Variants in IL1RN observed in about 807,000 individuals in gnomAD.
The protein encoded by IL1RN is interleukin-1 receptor antagonist protein.
IL1RN carries 10 observed loss-of-function variants against 13.7 expected under a neutral mutation model. The observed-to-expected ratio is 0.73, with a 90% CI of 0.45 to 1.24. The LOEUF (loss-of-function observed/expected upper bound fraction) is 1.24. IL1RN is among the 50% of genes most tolerant of loss of function. The pLI is 0.00. For synonymous variants in IL1RN, 102 were observed against 82.7 expected (o/e 1.23, Z -1.27); for missense variants, 213 against 222.1 (o/e 0.96, Z 0.26).
upstream of IL1RN, among the ~76,000 whole-genome samples, chr2:113,104,946 C>G (rs1463238450): frequency 3.3e-5 from 5 of 152,202 alleles, no homozygotes; most frequent in Non-Finnish European, 7.3e-5. Context: ...TTTTGAGAAA[C>G]TCCCAGTCCC....
chr2:113,100,239 T>G, the IL1RN span, among the ~76,000 whole-genome samples: 2 of 147,178 alleles, frequency 1.4e-5, no homozygotes, highest in African/African-American at 2.5e-5. Context: ...GACAGGAGAA[T>G]GGCATGAACC....
intron 1 of IL1RN, among the ~76,000 whole-genome samples, chr2:113,128,321 C>A (rs1316377202): frequency 6.6e-6 from 1 of 152,148 alleles, no homozygotes; most frequent in Non-Finnish European, 1.5e-5. Flanking sequence ...CTTTGTGAGA[C>A]CATCACTATT....
At chr2:113,130,901 C>T in intron 2 of IL1RN, 144 bp from the exon 3 acceptor site, 1 of 688,694 alleles carries the variant, frequency 1.5e-6, no homozygotes, top group South Asian at 1.5e-5. Flanking sequence ...TACCTGCAGA[C>T]CAGGAAGATG....
chr2:113,127,822 GC>G, intron 1 of IL1RN, 82 bp downstream of exon 1: 2 of 1,398,152 alleles, frequency 1.4e-6, no homozygotes, highest in Non-Finnish European at 2.0e-6. Flanking sequence ...GGGCTGCCAG[GC>G]CCCAGAGGGC....
chr2:113,105,499 C>T (rs1277218217), upstream of IL1RN, among the ~76,000 whole-genome samples: 12 of 152,166 alleles, frequency 7.9e-5, no homozygotes, highest in East Asian at 1.9e-4. Context: ...CACAGTTTGC[C>T]ACTCAAACAA....
chr2:113,129,946 G>A, intron 2 of IL1RN: 1 of 440,584 alleles, frequency 2.3e-6, no homozygotes, highest in South Asian at 2.2e-5. Flanking sequence ...AGAAGGCAAG[G>A]TTGACCATTC....
upstream of IL1RN, among the ~76,000 whole-genome samples, chr2:113,124,396 C>A (rs1037647243): frequency 6.6e-6 from 1 of 151,848 alleles, no homozygotes; most frequent in Non-Finnish European, 1.5e-5. Context: ...AGAGAGCTTC[C>A]CTTGTCCCCT....
chr2:113,101,277 A>T, the IL1RN span, among the ~76,000 whole-genome samples: 1 of 152,138 alleles, frequency 6.6e-6, no homozygotes. Context: ...GGGTTAGGGT[A>T]GCGAGGGGGT....
In IL1RN at chr2:113,129,436, G is replaced by T. The variant is rs375729596; in HGVS notation, c.117-140G>T. 5.6e-6 allele frequency: 4 copies of T among 719,204 alleles called. No homozygotes were observed. The East Asian group carries it at 7.6e-5, about 14-fold the overall frequency. 44.6% of individuals were successfully genotyped at this position (719,204 alleles called of 1,614,324 possible). On this transcript the variant is annotated intron_variant, in intron 1 of 3. Transcript: ENST00000409930. ...AGCCTCAGTCTTCTCATCCATGCAT[G>T]CCGTGGGTATACTAAAATACTATAC...
upstream of IL1RN, among the ~76,000 whole-genome samples, chr2:113,122,880 C>T (rs1686823866): frequency 6.6e-6 from 1 of 152,168 alleles, no homozygotes; most frequent in Non-Finnish European, 1.5e-5. Context: ...AATCCCAGCA[C>T]TTTGGGAGGC....
At position 113,133,323 on chromosome 2, in the gene IL1RN, G is replaced by A. The variant is rs1449869680; in HGVS notation, c.*452G>A. Reference sequence around the variant, plus strand: ...CCATGAGGGAGGTTTTTAAGGGTTTGTGGAAAATGAAAATTAGGATTTCAT... The same window carrying A: ...CCATGAGGGAGGTTTTTAAGGGTTTATGGAAAATGAAAATTAGGATTTCAT... On this transcript the variant is annotated 3_prime_UTR_variant, in exon 4 of 4. Coordinates refer to ENST00000409930, the MANE Select transcript of IL1RN (RefSeq NM_173842.3). The A allele has an allele frequency of 5.5e-6, 1 of 180,608 alleles. No homozygotes were observed. The highest frequency in any genetic ancestry group is 1.2e-5 in the Non-Finnish European group (1 of 84,168). 11.2% of individuals were successfully genotyped at this position (180,608 alleles called of 1,614,324 possible). A position where few individuals can be genotyped will look rare whatever the true frequency, so the allele number is the denominator to read the frequency against.
intron 3 of IL1RN, among the ~76,000 whole-genome samples, chr2:113,131,659 C>T (rs987949316): frequency 2.0e-5 from 3 of 151,984 alleles, no homozygotes; most frequent in African/African-American, 7.2e-5. Context: ...TGCTCAAGGG[C>T]CCCCCTACCC....
chr2:113,130,995 T>C, intron 2 of IL1RN, 50 bp from the exon 3 acceptor site: 1 of 1,182,750 alleles, frequency 8.5e-7, no homozygotes, highest in Non-Finnish European at 1.3e-6. Context: ...CTCTTCATTA[T>C]TGCTGCTTCC....
At position 113,120,960 on chromosome 2, in the gene IL1RN, T is replaced by TTTC. The variant is rs758115060; in HGVS notation, c.73+854_73+856dup. Among the ~76,000 whole-genome samples the TTTC allele has an allele frequency of 1.7e-3, 253 of 150,266 alleles. 2 individuals carry two copies. The highest frequency in any genetic ancestry group is 0.015 in the East Asian group (76 of 5,152). ...GTTAATCTTTCTAAGCCTTGAGTAG[T>TTTC]TTCTTCTTCTTCTTCTTCTTCTTCC... On this transcript the variant is annotated intron_variant, in intron 2 of 5. Transcript: ENST00000259206.
intron 2 of IL1RN, 68 bp downstream of exon 2, chr2:113,129,732 C>A: frequency 2.0e-6 from 2 of 985,678 alleles, no homozygotes; most frequent in Non-Finnish European, 3.3e-6. Flanking sequence ...TCTGCAGCAG[C>A]ATGGCCTGCC....
upstream of IL1RN, among the ~76,000 whole-genome samples, chr2:113,109,501 GA>G (rs1354389048): frequency 2.0e-5 from 3 of 151,772 alleles, no homozygotes; most frequent in Non-Finnish European, 1.5e-5. Flanking sequence ...CTTCCTAGTT[GA>G]AAGACATATT....
At chr2:113,125,362 C>A (rs1686919952), upstream of IL1RN, among the ~76,000 whole-genome samples, 1 of 152,198 alleles carries the variant, frequency 6.6e-6, no homozygotes, top group African/African-American at 2.4e-5. Context: ...AAACAAAATT[C>A]TTCTTTGGCC....
intron 1 of IL1RN, 47 bp from the exon 2 acceptor site, chr2:113,129,528 TG>T: frequency 8.4e-7 from 1 of 1,188,172 alleles, no homozygotes; most frequent in Non-Finnish European, 1.3e-6. Context: ...AGCACAAGGC[TG>T]GGCACATGGT....
At chr2:113,129,053 T>C (rs1381637709) in intron 1 of IL1RN, among the ~76,000 whole-genome samples, 1 of 152,204 alleles carries the variant, frequency 6.6e-6, no homozygotes, top group Non-Finnish European at 1.5e-5. Context: ...GTGTTCCGTC[T>C]CTTGAAACTT....
Sources: gnomAD v4.1 joint callset for allele counts (sites outside exome capture counted in the v4.1 genomes callset) on GRCh38, gnomAD v4.1.1 for gene constraint, MANE v1.5 for transcripts, NCBI Gene and HGNC (gene_info 2026-07-23, HGNC 2026-07-21) for gene names.